The following PDE4D variants were observed in gnomAD, a reference collection of about 807,000 sequenced individuals.
PDE4D encodes the protein phosphodiesterase 4D.
PDE4D carries 24 observed loss-of-function variants against 87.4 expected under a neutral mutation model. The observed-to-expected ratio is 0.27, with a 90% CI of 0.20 to 0.39. The LOEUF is 0.39. Among genes scored for constraint, PDE4D ranks in the 10% least tolerant of loss-of-function variants. PDE4D has a pLI of 1.00. For synonymous variants in PDE4D, 384 were observed against 383.2 expected (o/e 1.00, Z -0.02); for missense variants, 714 against 1,041.0 (o/e 0.69, Z 4.32).
intron 5 of PDE4D, among the ~76,000 whole-genome samples, chr5:59,152,785 C>G (rs1167790442): frequency 6.6e-6 from 1 of 152,056 alleles, no homozygotes; most frequent in African/African-American, 2.4e-5. Flanking sequence ...CAAACCACTT[C>G]CTTTTACTTG....
At chr5:59,181,556 ATATATATATATATATT>A (rs2153478616) in intron 4 of PDE4D, among the ~76,000 whole-genome samples, 1 of 143,168 alleles carries the variant, frequency 7.0e-6, no homozygotes, top group African/African-American at 2.6e-5. Context: ...ATATATATAT[ATATATATATATATATT>A]AGGTATATAA....
intron 2 of PDE4D, among the ~76,000 whole-genome samples, chr5:60,151,036 T>A (rs1036562879): frequency 1.3e-5 from 2 of 151,926 alleles, no homozygotes; most frequent in Admixed American, 1.3e-4. Flanking sequence ...TACACAAGAG[T>A]CAACTTTCAG....
intron 2 of PDE4D, among the ~76,000 whole-genome samples, chr5:60,054,851 T>C (rs1361017031): frequency 2.0e-5 from 3 of 151,956 alleles, no homozygotes; most frequent in African/African-American, 7.3e-5. Context: ...ACCAAAACTG[T>C]GGGAAGAAGA....
At chr5:60,150,950 T>G (rs976949303) in intron 2 of PDE4D, among the ~76,000 whole-genome samples, 13 of 152,168 alleles carry the variant, frequency 8.5e-5, no homozygotes, top group African/African-American at 3.1e-4. Context: ...TATAGACACT[T>G]TGTGGGATGT....
intron 1 of PDE4D, among the ~76,000 whole-genome samples, chr5:60,402,845 CTCT>C (rs1344581462): frequency 3.3e-5 from 5 of 152,152 alleles, no homozygotes; most frequent in African/African-American, 1.2e-4. Context: ...GTCCCTTATG[CTCT>C]TATTATCAGG....
upstream of PDE4D, among the ~76,000 whole-genome samples, chr5:59,894,602 G>A (rs563838321): frequency 6.6e-6 from 1 of 152,300 alleles, no homozygotes; most frequent in Admixed American, 6.5e-5. Context: ...TGAGCCCGCT[G>A]GCCAGAGTTA....
At chr5:59,689,287 A>G (rs1314413526) in intron 1 of PDE4D, among the ~76,000 whole-genome samples, 1 of 152,210 alleles carries the variant, frequency 6.6e-6, no homozygotes, top group African/African-American at 2.4e-5. Flanking sequence ...TTTTAGACCA[A>G]TATCCCTGAT....
At chr5:59,946,975 A>G (rs763825204) in intron 3 of PDE4D, among the ~76,000 whole-genome samples, 1 of 152,154 alleles carries the variant, frequency 6.6e-6, no homozygotes, top group Non-Finnish European at 1.5e-5. Flanking sequence ...TTTCTCTTAC[A>G]TCCCTGTTTT....
At chr5:60,070,354 A>G (rs372343582) in intron 2 of PDE4D, among the ~76,000 whole-genome samples, 13 of 152,056 alleles carry the variant, frequency 8.5e-5, no homozygotes, top group East Asian at 5.8e-4. Flanking sequence ...GTTGAGGTAT[A>G]TAATATTTGT....
chr5:59,792,967 C>G (rs1245197088), intron 1 of PDE4D, among the ~76,000 whole-genome samples: 1 of 152,154 alleles, frequency 6.6e-6, no homozygotes, highest in African/African-American at 2.4e-5. Context: ...ATGACATTCA[C>G]AGAAGTGGGG....
At chr5:59,318,956 GT>G (rs1266778790) in intron 1 of PDE4D, among the ~76,000 whole-genome samples, 1 of 152,032 alleles carries the variant, frequency 6.6e-6, no homozygotes, top group East Asian at 1.9e-4. Context: ...TAGCCCTTCT[GT>G]TCATTGCAGG....
intron 5 of PDE4D, among the ~76,000 whole-genome samples, chr5:59,096,405 G>C (rs1209314888): frequency 6.6e-6 from 1 of 152,140 alleles, no homozygotes; most frequent in East Asian, 1.9e-4. Flanking sequence ...GTGGGCAATT[G>C]GTTGTTATGA....
chr5:59,508,873 G>A (rs1809762902), intron 1 of PDE4D, among the ~76,000 whole-genome samples: 1 of 151,946 alleles, frequency 6.6e-6, no homozygotes, highest in South Asian at 2.1e-4. Context: ...ATATATGAAT[G>A]AAACATTCAG....
intron 1 of PDE4D, among the ~76,000 whole-genome samples, chr5:60,461,690 C>T (rs565958173): frequency 6.2e-4 from 94 of 152,164 alleles, no homozygotes; most frequent in Non-Finnish European, 9.4e-4. Context: ...TACCAGCAAA[C>T]AAAAAAACAT....
chr5:60,275,263 T>A (rs1184497662), intron 1 of PDE4D, among the ~76,000 whole-genome samples: 1 of 152,198 alleles, frequency 6.6e-6, no homozygotes, highest in Non-Finnish European at 1.5e-5. Flanking sequence ...ATTTTTCTGC[T>A]CTTCATTACA....
chr5:59,816,002 A>G (rs1015126255), intron 1 of PDE4D, among the ~76,000 whole-genome samples: 5 of 152,362 alleles, frequency 3.3e-5, no homozygotes, highest in Non-Finnish European at 5.9e-5. Flanking sequence ...AAAGCCATAC[A>G]TATCTAAAGC....
chr5:59,377,730 T>C (rs1784970915), intron 1 of PDE4D, among the ~76,000 whole-genome samples: 1 of 152,150 alleles, frequency 6.6e-6, no homozygotes, highest in Non-Finnish European at 1.5e-5. Context: ...GTCTTCAACA[T>C]CACTCATCAT....
chr5:60,164,167 A>C (rs1281676116), intron 2 of PDE4D, among the ~76,000 whole-genome samples: 1 of 152,134 alleles, frequency 6.6e-6, no homozygotes, highest in African/African-American at 2.4e-5. Context: ...CAAACTCTCA[A>C]TATGATGACA....
intron 6 of PDE4D, among the ~76,000 whole-genome samples, chr5:59,012,405 C>A (rs2153366469): frequency 6.6e-6 from 1 of 152,220 alleles, no homozygotes; most frequent in East Asian, 1.9e-4. Context: ...ATTCAGGAGA[C>A]CCATCTCACA....
Sources: allele counts gnomAD v4.1 joint callset (sites outside exome capture counted in the v4.1 genomes callset), GRCh38; gene constraint gnomAD v4.1.1; transcripts MANE v1.5; gene names NCBI Gene and HGNC (gene_info 2026-07-23, HGNC 2026-07-21).